Variants in RSF1 observed in about 807,000 individuals in gnomAD.
RSF1 encodes the protein HBV pX-associated protein 8.
RSF1 carries 13 observed loss-of-function variants against 145.2 expected under a neutral mutation model. That is an observed-to-expected ratio of 0.09 (90% confidence interval 0.06 to 0.14). The LOEUF is 0.14. RSF1 is among the 10% of genes least tolerant of loss of function. The pLI, the probability that RSF1 is intolerant of heterozygous loss-of-function variation, is 1.00. For missense variants in RSF1, 1,517 were observed against 1,718.2 expected (o/e 0.88, Z 2.07); for synonymous variants, 577 against 592.6 (o/e 0.97, Z 0.38).
At chr11:77,685,858 TAAAC>T (rs1959990500) in intron 9 of RSF1, among the ~76,000 whole-genome samples, 1 of 152,166 alleles carries the variant, frequency 6.6e-6, no homozygotes, top group Non-Finnish European at 1.5e-5. Flanking sequence ...GGTGTATGTA[TAAAC>T]AATTATAAAC....
At chr11:77,738,767 A>C (rs1590860079) in intron 4 of RSF1, 1 of 152,000 alleles carries the variant, frequency 6.6e-6, no homozygotes, top group Non-Finnish European at 1.5e-5. Context: ...TGCAACCTCC[A>C]CCTGCTGGTT....
At chr11:77,859,390 A>C in the RSF1 span, among the ~76,000 whole-genome samples, 1 of 152,202 alleles carries the variant, frequency 6.6e-6, no homozygotes. Context: ...TGTACAGCCA[A>C]TAATAATTTC....
Position 77,702,034 on chromosome 11 carries a change from C to G in RSF1, c.1195G>C (p.Val399Leu). 1 of 1,613,822 alleles carries G rather than the reference C, an allele frequency of 6.2e-7. No individual in the cohort carries two copies. Among genetic ancestry groups the G allele is most frequent in the East Asian group, 2.2e-5 (1 of 44,872 alleles). ...ACTGATTTACACAAAGGTCCCTTGACTGGACTGTCAAAATCATCACTCAGT... is the reference window on the plus strand; with the variant it reads ...ACTGATTTACACAAAGGTCCCTTGAGTGGACTGTCAAAATCATCACTCAGT... ...IKLSDDFDSP[V>L]KGPLCKSVTP... The change falls in exon 6 of 16, where the codon GTC becomes CTC. Residue 399 changes from valine (V) to leucine (L), a missense_variant. By Grantham distance (32) the Val-to-Leu change is conservative (BLOSUM62 1). Transcript: ENST00000308488.
chr11:77,667,385 C>T lies in RSF1; in HGVS notation c.3858G>A (p.Glu1286=). ...RSTDEYSEAD[E]EEEEEEGKPS... is the part of the protein sequence containing the mutation. ...GTTTGCCTTCCTCTTCCTCCTCCTC[C>T]TCATCTGCTTCTGAATACTCGTCTG... Residue 1286 remains glutamate (E), a synonymous_variant, in exon 16 of 16, where the codon GAG becomes GAA. Coordinates refer to ENST00000308488, the MANE Select transcript of RSF1 (RefSeq NM_016578.4). 1.2e-6 allele frequency: 2 copies of T among 1,614,038 alleles called. No homozygotes were observed. Among genetic ancestry groups the T allele is most frequent in the Non-Finnish European group, 1.7e-6 (2 of 1,180,008 alleles).
Position 77,820,547 on chromosome 11 carries a change from C to T in RSF1, c.168G>A (p.Pro56=). ...GCTTACCTTCTCCGTTGCCGACGTC[C>T]GGCGGCGGCGCCTGCAGCACCCGCT... ...ELERVLQAPP[P]DVGNGEVPKE... Residue 56 remains proline (P), a synonymous_variant, in exon 1 of 16, where the codon CCG becomes CCA. Coordinates refer to ENST00000308488, the MANE Select transcript of RSF1 (RefSeq NM_016578.4). The T allele has an allele frequency of 6.5e-7, 1 of 1,549,060 alleles. No individual in the cohort carries two copies. Among genetic ancestry groups the T allele is most frequent in the Non-Finnish European group, 8.7e-7 (1 of 1,147,210 alleles).
In RSF1 at chr11:77,705,187, T is replaced by G. The variant is rs966251285; in HGVS notation, c.734-2692A>C. Among the ~76,000 whole-genome samples, 4 of 152,296 alleles carry G rather than the reference T, an allele frequency of 2.6e-5. No individual in the cohort carries two copies. In the East Asian group the frequency reaches 5.8e-4, roughly 22 times the overall value. On this transcript the variant is annotated intron_variant, in intron 5 of 15. Transcript: ENST00000308488. Reference sequence around the variant, plus strand: ...ATGAACCTTTAAGCACTATAATAATTAGTAAAAAGGTCAGTTACACAAGCA... The same window carrying G: ...ATGAACCTTTAAGCACTATAATAATGAGTAAAAAGGTCAGTTACACAAGCA...
chr11:77,831,331 G>A, the RSF1 span, among the ~76,000 whole-genome samples: 1 of 152,238 alleles, frequency 6.6e-6, no homozygotes, highest in East Asian at 1.9e-4. Flanking sequence ...TGAACCAGCA[G>A]TTCCTTTCCT....
At chr11:77,852,461 C>A in the RSF1 span, among the ~76,000 whole-genome samples, 1 of 152,076 alleles carries the variant, frequency 6.6e-6, no homozygotes, top group African/African-American at 2.4e-5. Flanking sequence ...ATGACAGTCA[C>A]TTGCTGTTCA....
chr11:77,723,093 C>A (rs1396036303), intron 5 of RSF1, among the ~76,000 whole-genome samples: 3 of 152,116 alleles, frequency 2.0e-5, no homozygotes, highest in Admixed American at 6.5e-5. Flanking sequence ...TAAGTTTAAA[C>A]CTAGAACTAA....
intron 4 of RSF1, among the ~76,000 whole-genome samples, chr11:77,732,795 T>G (rs1961239906): frequency 6.6e-6 from 1 of 152,216 alleles, no homozygotes. Context: ...TAAACCTCTT[T>G]CTTTTGCAAA....
intron 5 of RSF1, among the ~76,000 whole-genome samples, chr11:77,712,528 A>G (rs924315238): frequency 8.5e-5 from 13 of 152,170 alleles, no homozygotes; most frequent in African/African-American, 3.1e-4. Context: ...TAAAATTACC[A>G]TTTTCACCTT....
chr11:77,837,053 G>A, the RSF1 span, among the ~76,000 whole-genome samples: 1 of 152,246 alleles, frequency 6.6e-6, no homozygotes, highest in Non-Finnish European at 1.5e-5. Context: ...CATGTTTTAT[G>A]AATTTGTATC....
chr11:77,753,509 C>CTTTG (rs1409679194), intron 2 of RSF1, among the ~76,000 whole-genome samples: 1 of 152,186 alleles, frequency 6.6e-6, no homozygotes, highest in African/African-American at 2.4e-5. Context: ...ACTTGTCCAA[C>CTTTG]GCGTGGCCCA....
chr11:77,699,698 A>G (rs1960367705), intron 6 of RSF1, among the ~76,000 whole-genome samples: 1 of 152,190 alleles, frequency 6.6e-6, no homozygotes, highest in Non-Finnish European at 1.5e-5. Flanking sequence ...GGCAATGTGG[A>G]AGTAGCTATC....
intron 2 of RSF1, chr11:77,763,574 T>C (rs975658665): frequency 2.0e-5 from 3 of 152,124 alleles, no homozygotes; most frequent in African/African-American, 4.8e-5. Context: ...TATTTTAAAG[T>C]TGAGATAATG....
the RSF1 span, among the ~76,000 whole-genome samples, chr11:77,827,737 T>C: frequency 6.6e-6 from 1 of 152,190 alleles, no homozygotes; most frequent in Non-Finnish European, 1.5e-5. Flanking sequence ...TATATCCACT[T>C]ACATTTAATA....
intron 1 of RSF1, among the ~76,000 whole-genome samples, chr11:77,771,383 A>G (rs1253013431): frequency 6.6e-6 from 1 of 152,200 alleles, no homozygotes; most frequent in African/African-American, 2.4e-5. Flanking sequence ...TAAGCCAAGG[A>G]AGAAGGGAGC....
intron 11 of RSF1, among the ~76,000 whole-genome samples, chr11:77,679,667 T>C (rs1050682127): frequency 8.1e-5 from 12 of 147,384 alleles, no homozygotes; most frequent in African/African-American, 3.1e-4. Flanking sequence ...AGCGAGACCC[T>C]GTCTCAAAAA....
At chr11:77,837,285 G>A in the RSF1 span, among the ~76,000 whole-genome samples, 3 of 151,616 alleles carry the variant, frequency 2.0e-5, no homozygotes, top group South Asian at 4.2e-4. Context: ...ACAGGCACCC[G>A]CCACCACACC....
Sources: gnomAD v4.1 joint callset for allele counts (sites outside exome capture counted in the v4.1 genomes callset) on GRCh38, gnomAD v4.1.1 for gene constraint, MANE v1.5 for transcripts, NCBI Gene and HGNC (gene_info 2026-07-23, HGNC 2026-07-21) for gene names.